SETD2: variants seen among roughly 807,000 people sequenced by gnomAD.
SETD2 encodes SET domain containing 2, histone lysine methyltransferase.
A neutral mutation model predicts 242.1 loss-of-function variants in SETD2; 31 were observed. That is an observed-to-expected ratio of 0.13 (90% CI 0.10 to 0.17). The LOEUF (loss-of-function observed/expected upper bound fraction) is 0.17, where lower values mean the gene tolerates loss of function less well. Ranked by LOEUF, SETD2 falls within the 10% of genes least tolerant of loss-of-function variation. The pLI is 1.00. For synonymous variants in SETD2, 1,006 were observed against 1,066.5 expected, an observed-to-expected ratio of 0.94 and a Z score of 1.11; for missense variants, 2,481 against 3,046.3, an observed-to-expected ratio of 0.81 and a Z score of 4.37.
chr3:47,113,642 T>C (rs1483261054), intron 5 of SETD2, among the ~76,000 whole-genome samples: 1 of 152,080 alleles, frequency 6.6e-6, no homozygotes, highest in Admixed American at 6.6e-5. Context: ...GAAACCAGCC[T>C]GGCCAACATG....
At chr3:47,136,242 GCT>G (rs2043586859) in intron 1 of SETD2, among the ~76,000 whole-genome samples, 1 of 151,968 alleles carries the variant, frequency 6.6e-6, no homozygotes, top group African/African-American at 2.4e-5. Context: ...CCACATACCT[GCT>G]TATCCTCTTT....
chr3:47,120,956 T>C lies in SETD2; in HGVS notation c.3680A>G (p.Asp1227Gly), dbSNP rs2107747900. ...WQQTTFQNRP[D>G]SRLGKTELSF... ...CAATTCTGTTTTTCCCAGTCTACTATCTGGCCTGTTTTGGAAAGTGGTCTG... is the reference window on the plus strand; with the variant it reads ...CAATTCTGTTTTTCCCAGTCTACTACCTGGCCTGTTTTGGAAAGTGGTCTG... Residue 1227 changes from aspartate (D) to glycine (G), a missense_variant, in exon 3 of 21, where the codon GAT becomes GGT. Asp to Gly is a moderately conservative substitution (Grantham distance 94). This residue lies in a region of SETD2 where 1,300 missense variants were observed against 1,259.2 expected (regional missense o/e 1.03). Coordinates refer to ENST00000409792, the MANE Select transcript of SETD2 (RefSeq NM_014159.7). The C allele has an allele frequency of 6.2e-7, 1 of 1,614,222 alleles. No homozygotes were observed. Among genetic ancestry groups the C allele is most frequent in the Non-Finnish European group, 8.5e-7 (1 of 1,180,030 alleles).
At chr3:47,136,954 A>C (rs1242001695) in intron 1 of SETD2, among the ~76,000 whole-genome samples, 1 of 151,800 alleles carries the variant, frequency 6.6e-6, no homozygotes, top group African/African-American at 2.4e-5. Context: ...AATCCATCTA[A>C]AAAAAAGGAT....
intron 18 of SETD2, 29 bp from the exon 19 acceptor site, chr3:47,019,869 G>A: frequency 6.3e-7 from 1 of 1,592,104 alleles, no homozygotes; most frequent in African/African-American, 1.3e-5. Context: ...ACACAGTGGT[G>A]CTGGCATGAG....
intron 3 of SETD2, 120 bp from the exon 4 acceptor site, chr3:47,116,874 T>C: frequency 1.4e-6 from 1 of 690,334 alleles, no homozygotes; most frequent in Non-Finnish European, 2.3e-6. Flanking sequence ...AACAGGGTCT[T>C]GTTCTGTCAC....
rs766455577 is a variant in SETD2, at chr3:47,106,493, T to TAAAAAAAAAAAAAAA, written c.4716-388_4716-374dup. Among the ~76,000 whole-genome samples the TAAAAAAAAAAAAAAA allele has an allele frequency of 1.0e-4, 6 of 57,264 alleles. 1 individual carries two copies. Among genetic ancestry groups the TAAAAAAAAAAAAAAA allele is most frequent in the African/African-American group, 4.0e-4 (6 of 14,920 alleles). The allele number at this position is 57,264 out of a possible 152,430, so 37.6% of individuals were successfully genotyped here. A position where few individuals can be genotyped will look rare whatever the true frequency, so the allele number is the denominator to read the frequency against. On this transcript the variant is annotated intron_variant, in intron 5 of 20. Coordinates refer to ENST00000409792, the MANE Select transcript of SETD2 (RefSeq NM_014159.7). ...CTGAAAAGTTAGAGGATTTTTGCTC[T>TAAAAAAAAAAAAAAA]AAAAAAAAAAAAAAAAAAAAAAAAA...
At chr3:47,067,181 C>T in intron 12 of SETD2, 63 bp from the exon 13 acceptor site, 1 of 1,198,820 alleles carries the variant, frequency 8.3e-7, no homozygotes, top group Non-Finnish European at 1.2e-6. Flanking sequence ...TGCTTTGAAA[C>T]TGACTGTTTT....
intron 4 of SETD2, among the ~76,000 whole-genome samples, chr3:47,114,708 GTC>G (rs1261964922): frequency 1.3e-5 from 2 of 151,940 alleles, no homozygotes; most frequent in Admixed American, 6.6e-5. Flanking sequence ...GTGAAATCCT[GTC>G]TCTCTGAAAA....
At chr3:47,136,248 CCT>C (rs1303036487) in intron 1 of SETD2, among the ~76,000 whole-genome samples, 1 of 152,178 alleles carries the variant, frequency 6.6e-6, no homozygotes, top group Non-Finnish European at 1.5e-5. Context: ...ACCTGCTTAT[CCT>C]CTTTCTGACC....
In SETD2 at chr3:47,037,785, G is replaced by A. The variant is rs375557161; in HGVS notation, c.7239-8C>T. The A allele has an allele frequency of 1.9e-5, 31 of 1,607,538 alleles. No homozygotes were observed. The highest frequency in any genetic ancestry group is 3.3e-5 in the Admixed American group (2 of 59,942). ...GGATCCCACTGAGTCTGCCTAGAAAGAGACAAAAACAGCCATGCTGTCAGG... is the reference window on the plus strand; with the variant it reads ...GGATCCCACTGAGTCTGCCTAGAAAAAGACAAAAACAGCCATGCTGTCAGG... On this transcript the variant is annotated splice_polypyrimidine_tract_variant and splice_region_variant and intron_variant, in intron 17 of 20. Transcript: ENST00000409792.
chr3:47,050,649 A>G (rs942746335), intron 15 of SETD2, among the ~76,000 whole-genome samples: 3 of 151,842 alleles, frequency 2.0e-5, no homozygotes, highest in African/African-American at 7.3e-5. Context: ...TCTGAAAAAA[A>G]TCCGAAATAC....
Position 47,037,648 on chromosome 3 carries a change from T to C in SETD2, c.7350+18A>G, listed in dbSNP as rs780134688. On this transcript the variant is annotated intron_variant, in intron 18 of 20. Coordinates refer to ENST00000409792, the MANE Select transcript of SETD2 (RefSeq NM_014159.7). The stretch of plus-strand genomic sequence containing the variant: ...GACTCCCAAATGATCAGGAAATACA[T>C]GTGTAAGCCACACTCACCTTCATGG... 6.4e-7 allele frequency: 1 copy of C among 1,573,898 alleles called. No individual in the cohort carries two copies. Among genetic ancestry groups the C allele is most frequent in the Non-Finnish European group, 8.7e-7 (1 of 1,143,746 alleles).
In SETD2 at chr3:47,083,813, A is replaced by G; in HGVS notation, c.5967T>C (p.Asp1989=). ...GTTCTTGGCTCCTTTCACTCTCCAC[A>G]TCAGACACACCCTCCTCTTCATCTT... ...PSQDEEEGVS[D]VESERSQEQP... is the part of the protein sequence containing the mutation. The change falls in exon 12 of 21, where the codon GAT becomes GAC. Residue 1989 remains aspartate (D), a synonymous_variant. Transcript: ENST00000409792. The G allele has an allele frequency of 6.2e-7, 1 of 1,614,064 alleles. No individual in the cohort carries two copies. Among genetic ancestry groups the G allele is most frequent in the East Asian group, 2.2e-5 (1 of 44,882 alleles).
intron 16 of SETD2, among the ~76,000 whole-genome samples, chr3:47,045,973 T>C (rs924742702): frequency 1.4e-5 from 2 of 143,992 alleles, no homozygotes; most frequent in Non-Finnish European, 3.2e-5. Flanking sequence ...ATTAAAAAAA[T>C]TTTTTTTTTA....
intron 1 of SETD2, chr3:47,163,623 G>A (rs1329198171): frequency 2.6e-5 from 6 of 228,586 alleles, no homozygotes; most frequent in African/African-American, 1.2e-4. Context: ...CCCAACCGCC[G>A]CCGCGACACG....
At chr3:47,149,089 A>G (rs775025201) in intron 1 of SETD2, among the ~76,000 whole-genome samples, 14 of 152,234 alleles carry the variant, frequency 9.2e-5, no homozygotes, top group East Asian at 3.8e-4. Flanking sequence ...TTGAACAATT[A>G]TAAGTACATC....
intron 14 of SETD2, among the ~76,000 whole-genome samples, chr3:47,059,767 G>C (rs996408405): frequency 6.6e-6 from 1 of 151,426 alleles, no homozygotes. Flanking sequence ...TTGTGGTGGT[G>C]GTTACAAAAC....
chr3:47,163,728 C>T (rs1184492489), intron 1 of SETD2, 126 bp downstream of exon 1: 1 of 975,636 alleles, frequency 1.0e-6, no homozygotes, highest in Non-Finnish European at 1.3e-6. Flanking sequence ...CGACACCGAC[C>T]GCGCGAGGCC....
intron 9 of SETD2, among the ~76,000 whole-genome samples, chr3:47,088,701 T>C (rs972894777): frequency 2.0e-5 from 3 of 152,206 alleles, no homozygotes; most frequent in African/African-American, 7.2e-5. Flanking sequence ...TGTTATAATA[T>C]ATAATGACCT....
Sources: allele counts gnomAD v4.1 joint callset (sites outside exome capture counted in the v4.1 genomes callset), GRCh38; gene constraint gnomAD v4.1.1; regional missense constraint gnomAD v4.1.1; transcripts MANE v1.5; gene names NCBI Gene and HGNC (gene_info 2026-07-23, HGNC 2026-07-21).